Variants in KLF8 observed in about 807,000 individuals in gnomAD.
KLF8 encodes Krueppel-like factor 8.
KLF8 carries 10 observed loss-of-function variants against 18.2 expected under a neutral mutation model. The observed-to-expected ratio is 0.55, with a 90% CI of 0.34 to 0.93. The LOEUF (loss-of-function observed/expected upper bound fraction) is 0.93. Among genes scored for constraint, KLF8 ranks in the 40% least tolerant of loss-of-function variants. The pLI is 0.02. For synonymous variants in KLF8, 109 were observed against 97.3 expected (o/e 1.12, Z -0.71); for missense variants, 264 against 277.9 (o/e 0.95, Z 0.36).
the KLF8 span, among the ~76,000 whole-genome samples, chrX:56,056,972 A>G: frequency 1.8e-5 from 2 of 111,542 alleles, no homozygotes; most frequent in Non-Finnish European, 3.8e-5. Flanking sequence ...TCGTTTTTGC[A>G]TGTGCCAGCA....
chrX:56,076,615 C>G, the KLF8 span, among the ~76,000 whole-genome samples: 1 of 111,390 alleles, frequency 9.0e-6, no homozygotes, highest in Non-Finnish European at 1.9e-5. Flanking sequence ...GTGCATGTGT[C>G]TTTATAGCAG....
the KLF8 span, among the ~76,000 whole-genome samples, chrX:56,226,152 C>G: frequency 1.8e-5 from 2 of 111,925 alleles, no homozygotes; most frequent in Non-Finnish European, 3.8e-5. Flanking sequence ...GCCATGGGCA[C>G]AGGAGGAGGG....
intron 2 of KLF8, among the ~76,000 whole-genome samples, chrX:56,260,344 C>T (rs183086147): frequency 1.4e-3 from 162 of 111,827 alleles, no homozygotes; most frequent in Non-Finnish European, 2.6e-3. Context: ...ATGTACAGTA[C>T]AATAGAGTAA....
chrX:56,047,616 G>T, the KLF8 span, among the ~76,000 whole-genome samples: 10,764 of 110,576 alleles, frequency 0.097, 1,211 homozygotes, highest in African/African-American at 0.32. Context: ...TATGGCTGCA[G>T]AGTATTCCAT....
the KLF8 span, among the ~76,000 whole-genome samples, chrX:56,173,756 G>T: frequency 9.0e-6 from 1 of 111,657 alleles, no homozygotes; most frequent in Non-Finnish European, 1.9e-5. Flanking sequence ...CCATTTGTTT[G>T]TATCCTCTTT....
chrX:56,127,229 A>G, the KLF8 span, among the ~76,000 whole-genome samples: 1 of 111,641 alleles, frequency 9.0e-6, no homozygotes, highest in Non-Finnish European at 1.9e-5. Flanking sequence ...ATTTAGCTCT[A>G]TAAGGCATAT....
the KLF8 span, among the ~76,000 whole-genome samples, chrX:56,201,737 T>C: frequency 9.0e-6 from 1 of 111,481 alleles, no homozygotes; most frequent in Admixed American, 9.6e-5. Flanking sequence ...ATACATTAAA[T>C]ATGTACAGTT....
chrX:56,266,054 G>C (rs1250793683), intron 3 of KLF8: 31 of 797,595 alleles, frequency 3.9e-5, no homozygotes, highest in Non-Finnish European at 4.5e-5. Context: ...TGATTATCTT[G>C]TATTACAAAA....
the KLF8 span, among the ~76,000 whole-genome samples, chrX:55,939,793 C>G: frequency 1.8e-5 from 2 of 111,727 alleles, no homozygotes; most frequent in Non-Finnish European, 1.9e-5. Flanking sequence ...GGATAAATTC[C>G]TCGACACATA....
chrX:56,222,680 C>T, the KLF8 span, among the ~76,000 whole-genome samples: 1 of 112,772 alleles, frequency 8.9e-6, no homozygotes, highest in Non-Finnish European at 1.9e-5. Context: ...GAGGCTTGGG[C>T]CGCGCAGGAG....
the KLF8 span, among the ~76,000 whole-genome samples, chrX:56,066,395 C>T: frequency 8.9e-6 from 1 of 111,891 alleles, no homozygotes; most frequent in South Asian, 3.7e-4. Context: ...ATGTGAGCAC[C>T]GACTATGGTA....
chrX:56,168,109 T>A, the KLF8 span, among the ~76,000 whole-genome samples: 1 of 111,888 alleles, frequency 8.9e-6, no homozygotes, highest in Non-Finnish European at 1.9e-5. Context: ...GTCATAAATC[T>A]CATGAAAATG....
chrX:56,283,565 G>A (rs1477884849), intron 5 of KLF8, among the ~76,000 whole-genome samples: 1 of 110,613 alleles, frequency 9.0e-6, no homozygotes, highest in Non-Finnish European at 1.9e-5. Context: ...TAGAGACGGG[G>A]TTTCACCGTG....
the KLF8 span, among the ~76,000 whole-genome samples, chrX:56,116,222 A>G: frequency 6.2e-5 from 7 of 112,881 alleles, no homozygotes; most frequent in East Asian, 2.0e-3. Context: ...GAATGCTCAT[A>G]TGGAGCTGTA....
chrX:55,923,128 A>G, the KLF8 span, among the ~76,000 whole-genome samples: 2 of 111,622 alleles, frequency 1.8e-5, no homozygotes, highest in Non-Finnish European at 3.8e-5. Context: ...CATATACACC[A>G]TGGAATACTA....
At chrX:55,967,108 C>T in the KLF8 span, among the ~76,000 whole-genome samples, 1 of 111,292 alleles carries the variant, frequency 9.0e-6, no homozygotes, top group African/African-American at 3.3e-5. Context: ...AGAAGAACAC[C>T]TACAAGACCT....
the KLF8 span, among the ~76,000 whole-genome samples, chrX:56,066,137 G>T: frequency 1.7e-4 from 19 of 112,007 alleles, no homozygotes; most frequent in African/African-American, 5.2e-4. Context: ...CTCCCAGGTG[G>T]TTTCCTCTAG....
At chrX:55,983,687 A>G in the KLF8 span, among the ~76,000 whole-genome samples, 3 of 111,617 alleles carry the variant, frequency 2.7e-5, no homozygotes, top group African/African-American at 9.7e-5. Flanking sequence ...CATTAATTAT[A>G]TAGTGGTGAA....
the KLF8 span, among the ~76,000 whole-genome samples, chrX:56,087,731 G>A: frequency 1.8e-5 from 2 of 111,976 alleles, no homozygotes; most frequent in African/African-American, 3.2e-5. Flanking sequence ...TCTGTGAACA[G>A]TTATTTTTCA....
Sources: allele counts gnomAD v4.1 joint callset (sites outside exome capture counted in the v4.1 genomes callset), GRCh38; gene constraint gnomAD v4.1.1; transcripts MANE v1.5; gene names NCBI Gene and HGNC (gene_info 2026-07-23, HGNC 2026-07-21).